PFDN4: variants seen among roughly 807,000 people sequenced by gnomAD.
PFDN4 encodes prefoldin subunit 4, also known as prefoldin 4.
PFDN4 carries 6 observed loss-of-function variants against 17.6 expected under a neutral mutation model. The ratio of observed to expected loss-of-function variants is 0.34; its 90% CI spans 0.19 to 0.67. The LOEUF is 0.67. Among genes scored for constraint, PFDN4 ranks in the 30% least tolerant of loss-of-function variants. The probability of loss-of-function intolerance (pLI) is 0.68; values close to 1 mark genes in which losing one functional copy is unlikely to be tolerated. For synonymous variants in PFDN4, 48 were observed against 51.1 expected, an observed-to-expected ratio of 0.94 and a Z score of 0.26; for missense variants, 119 against 158.4, an observed-to-expected ratio of 0.75 and a Z score of 1.33.
intron 1 of PFDN4, chr20:54,209,045 G>A (rs762834683): frequency 2.6e-5 from 4 of 152,254 alleles, no homozygotes; most frequent in Non-Finnish European, 4.4e-5. Context: ...AAGAAAATTG[G>A]AGAGGGGGAA....
intron 1 of PFDN4, among the ~76,000 whole-genome samples, chr20:54,210,680 A>G (rs2092754609): frequency 6.6e-6 from 1 of 152,158 alleles, no homozygotes; most frequent in Non-Finnish European, 1.5e-5. Flanking sequence ...TTTGACCTTT[A>G]TCTAAAGAAG....
chr20:54,214,507 A>ATAGAGTTATAACT, intron 2 of PFDN4, 49 bp downstream of exon 2: 1 of 792,476 alleles, frequency 1.3e-6, no homozygotes, highest in Admixed American at 2.6e-5. Context: ...TACTATAGCT[A>ATAGAGTTATAACT]CTAAAACTGA....
At chr20:54,210,823 T>C (rs2092754816) in intron 1 of PFDN4, among the ~76,000 whole-genome samples, 1 of 152,262 alleles carries the variant, frequency 6.6e-6, no homozygotes, top group Non-Finnish European at 1.5e-5. Context: ...GATGTATGCT[T>C]GCCATTTGTA....
chr20:54,208,115 G>C lies in PFDN4; in HGVS notation c.15G>C (p.Met5Ile). 1 of 1,557,496 alleles carries C rather than the reference G, an allele frequency of 6.4e-7. No individual in the cohort carries two copies. The highest frequency in any genetic ancestry group is 8.7e-7 in the Non-Finnish European group (1 of 1,150,812). The change falls in exon 1 of 4, where the codon ATG becomes ATC. Residue 5 changes from methionine to isoleucine, a missense_variant. Transcript: ENST00000371419. The stretch of plus-strand genomic sequence containing the variant: ...CCAGTCCCAAGATGGCGGCCACCAT[G>C]AAGAAGGCGGTGAGTGGGGAGCTCG... MAAT[M>I]KKAAAEDVNV...
chr20:54,215,143 T>C (rs533432828), intron 2 of PFDN4, among the ~76,000 whole-genome samples, 157 bp from the exon 3 acceptor site: 73 of 152,350 alleles, frequency 4.8e-4, no homozygotes, highest in African/African-American at 1.7e-3. Flanking sequence ...TTGTGAAATG[T>C]CTTCTAAAAA....
chr20:54,208,394 G>T (rs1192761050), intron 1 of PFDN4: 1 of 420,354 alleles, frequency 2.4e-6, no homozygotes, highest in Admixed American at 4.6e-5. Flanking sequence ...GATGCCGAGG[G>T]TGCCCCCGGG....
chr20:54,211,147 A>G (rs2092755277), intron 1 of PFDN4, among the ~76,000 whole-genome samples: 1 of 152,180 alleles, frequency 6.6e-6, no homozygotes, highest in South Asian at 2.1e-4. Flanking sequence ...CATCATACAG[A>G]CTTGGTAGAT....
Position 54,215,444 on chromosome 20 carries a change from T to C in PFDN4, c.273+4T>C, listed in dbSNP as rs751690300. On this transcript the variant is annotated splice_donor_region_variant and intron_variant, in intron 3 of 3. Transcript: ENST00000371419. ...AGAAATGTTAGAAGAAGCAAAGGTA[T>C]GTTAAAGGTTAATTCTGAAATTAGA... is the stretch of plus-strand genomic sequence containing the variant. The C allele has an allele frequency of 2.5e-6, 4 of 1,576,712 alleles. No individual in the cohort carries two copies. Among genetic ancestry groups the C allele is most frequent in the Non-Finnish European group, 3.5e-6 (4 of 1,156,002 alleles).
rs1314137764 is a variant in PFDN4 at position 54,214,358 on chromosome 20, A to G, written c.32A>G (p.Glu11Gly). MAATMKKAAAEDVNVTFEDQQ... is the reference protein window; with the variant it reads MAATMKKAAAGDVNVTFEDQQ... ...CTTAAACACTTCTTTCAGGCTGCAG[A>G]AGATGTCAATGTTACTTTCGAAGAT... The change falls in exon 2 of 4, where the codon GAA becomes GGA. Residue 11 changes from glutamate to glycine, a missense_variant. Physicochemically the swap from Glu to Gly is moderately conservative, Grantham distance 98. Coordinates refer to ENST00000371419, the MANE Select transcript of PFDN4 (RefSeq NM_002623.4). 2 of 1,567,916 alleles carry G rather than the reference A, an allele frequency of 1.3e-6. No homozygotes were observed. Among genetic ancestry groups the G allele is most frequent in the Non-Finnish European group, 1.7e-6 (2 of 1,146,460 alleles).
Position 54,219,369 on chromosome 20 carries a change from G to C in PFDN4, c.*219G>C, listed in dbSNP as rs1165618727. Reference sequence around the variant, plus strand: ...GTATTTTGCATAACGATTATATCAAGTCTAGGGGCTTCATGTCATGTTATT... The same window carrying C: ...GTATTTTGCATAACGATTATATCAACTCTAGGGGCTTCATGTCATGTTATT... On this transcript the variant is annotated 3_prime_UTR_variant, in exon 4 of 4. Transcript: ENST00000371419. 12 of 389,928 alleles carry C rather than the reference G, an allele frequency of 3.1e-5. No homozygotes were observed. Among genetic ancestry groups the C allele is most frequent in the Non-Finnish European group, 5.4e-5 (12 of 223,510 alleles). 24.2% of individuals were successfully genotyped at this position (389,928 alleles called of 1,614,324 possible).
intron 3 of PFDN4, among the ~76,000 whole-genome samples, chr20:54,217,678 G>A (rs2092764409): frequency 6.6e-6 from 1 of 152,126 alleles, no homozygotes; most frequent in Non-Finnish European, 1.5e-5. Flanking sequence ...AGCCTTCAGA[G>A]ATTTTTGGAA....
intron 1 of PFDN4, among the ~76,000 whole-genome samples, chr20:54,211,553 A>G (rs986413327): frequency 6.6e-6 from 1 of 152,210 alleles, no homozygotes; most frequent in African/African-American, 2.4e-5. Flanking sequence ...CATTTTACAG[A>G]TGAGAAACCT....
At chr20:54,213,403 ACACACTCACACACACACGTG>A (rs1187247079) in intron 1 of PFDN4, among the ~76,000 whole-genome samples, 186 of 152,286 alleles carry the variant, frequency 1.2e-3, no homozygotes, top group African/African-American at 3.5e-3. Context: ...AAGCCTGTGT[ACACACTCACACACACACGTG>A]CACACTCACA....
In PFDN4 at chr20:54,215,563, C is replaced by G. The variant is rs6013932; in HGVS notation, c.273+123C>G. 5.7e-3 allele frequency: 3,509 copies of G among 618,202 alleles called. 20 individuals carry two copies. Among genetic ancestry groups the G allele is most frequent in the Middle Eastern group, 0.012 (26 of 2,186 alleles). 38.3% of individuals were successfully genotyped at this position (618,202 alleles called of 1,614,324 possible). On this transcript the variant is annotated intron_variant, in intron 3 of 3. Transcript: ENST00000371419. ...ATTTACTGCCTTGTTATGTCCCAGG[C>G]ATGCTCCGAATGCTTTGCCAGCAGG...
At chr20:54,217,856 C>CGT (rs2146543695) in intron 3 of PFDN4, among the ~76,000 whole-genome samples, 1 of 152,232 alleles carries the variant, frequency 6.6e-6, no homozygotes, top group South Asian at 2.1e-4. Flanking sequence ...ACTTAGCATG[C>CGT]GTGAGAATCA....
At chr20:54,209,872 C>T (rs1475880929) in intron 1 of PFDN4, among the ~76,000 whole-genome samples, 8 of 152,138 alleles carry the variant, frequency 5.3e-5, no homozygotes, top group Non-Finnish European at 2.9e-5. Flanking sequence ...AGCTCTTCTC[C>T]CCTTAATCTC....
intron 1 of PFDN4, among the ~76,000 whole-genome samples, chr20:54,209,798 CG>C (rs2092753342): frequency 1.3e-5 from 2 of 152,030 alleles, no homozygotes; most frequent in Non-Finnish European, 2.9e-5. Context: ...AGTAAATTTT[CG>C]GGGGCACGTA....
At chr20:54,208,334 G>A (rs1267449732) in intron 1 of PFDN4, 2 of 451,186 alleles carry the variant, frequency 4.4e-6, no homozygotes, top group South Asian at 4.8e-5. Context: ...CCGAGGCGGG[G>A]CGCCGGGGCT....
chr20:54,216,647 T>A (rs528579936), intron 3 of PFDN4, among the ~76,000 whole-genome samples: 3 of 150,056 alleles, frequency 2.0e-5, no homozygotes, highest in East Asian at 1.9e-4. Context: ...TATTTTATTT[T>A]ATTTATTTAT....
Sources: gnomAD v4.1 joint callset for allele counts (sites outside exome capture counted in the v4.1 genomes callset) on GRCh38, gnomAD v4.1.1 for gene constraint, MANE v1.5 for transcripts, NCBI Gene and HGNC (gene_info 2026-07-23, HGNC 2026-07-21) for gene names.